BTBD7: variants seen among roughly 807,000 people sequenced by gnomAD.
The protein encoded by BTBD7 is BTB domain containing 7.
BTBD7 carries 38 observed loss-of-function variants against 99.9 expected under a neutral mutation model. The ratio of observed to expected loss-of-function variants is 0.38; its 90% CI spans 0.29 to 0.50. The LOEUF is 0.50. Ranked by LOEUF, BTBD7 falls within the 20% of genes least tolerant of loss-of-function variation. The pLI is 0.93. For missense variants in BTBD7, 1,170 were observed against 1,394.6 expected (o/e 0.84, Z 2.57); for synonymous variants, 520 against 511.4 (o/e 1.02, Z -0.23).
intron 1 of BTBD7, among the ~76,000 whole-genome samples, chr14:93,310,544 A>G (rs2053124759): frequency 6.6e-6 from 1 of 152,164 alleles, no homozygotes; most frequent in Non-Finnish European, 1.5e-5. Flanking sequence ...AAATTGATAG[A>G]GACCAGCGTG....
At chr14:93,295,255 C>T (rs1174366433) in intron 2 of BTBD7, among the ~76,000 whole-genome samples, 1 of 152,062 alleles carries the variant, frequency 6.6e-6, no homozygotes, top group Non-Finnish European at 1.5e-5. Context: ...GGAGTATAGG[C>T]ATGTGCCACC....
chr14:93,251,435 A>T (rs917448186), intron 8 of BTBD7, 28 bp downstream of exon 8: 1 of 1,532,174 alleles, frequency 6.5e-7, no homozygotes, highest in African/African-American at 1.4e-5. Context: ...TATTCATTTA[A>T]ATATAAACAC....
intron 4 of BTBD7, among the ~76,000 whole-genome samples, chr14:93,262,439 C>A (rs976552481): frequency 1.3e-5 from 2 of 152,062 alleles, no homozygotes; most frequent in Admixed American, 1.3e-4. Context: ...TGGGGTCCCA[C>A]CTGTTGCCAA....
chr14:93,295,287 T>C (rs186307571), intron 2 of BTBD7, among the ~76,000 whole-genome samples: 1 of 151,718 alleles, frequency 6.6e-6, no homozygotes, highest in South Asian at 2.1e-4. Flanking sequence ...ATTAAAAAAA[T>C]TTTTTTTTCT....
chr14:93,295,112 T>G (rs1595320457), intron 2 of BTBD7, among the ~76,000 whole-genome samples, 175 bp from the exon 3 acceptor site: 1 of 152,110 alleles, frequency 6.6e-6, no homozygotes, highest in East Asian at 1.9e-4. Context: ...AGTTTTCAAT[T>G]CAATTTAATT....
At chr14:93,277,749 G>A (rs1433505782) in intron 3 of BTBD7, among the ~76,000 whole-genome samples, 1 of 152,184 alleles carries the variant, frequency 6.6e-6, no homozygotes, top group Non-Finnish European at 1.5e-5. Flanking sequence ...GCACTGTACT[G>A]ATGTATTCTA....
rs2053128340 is a variant in BTBD7, at chr14:93,310,790, T to G, written c.-106-14633A>C. ...AAAAACTTTTTTTTTTTTTTTTTTTTGCCAAGACTGCTTCACAGGTGGCAG... is the reference window on the plus strand; with the variant it reads ...AAAAACTTTTTTTTTTTTTTTTTTTGGCCAAGACTGCTTCACAGGTGGCAG... On this transcript the variant is annotated intron_variant, in intron 1 of 10. Transcript: ENST00000334746. 4.0e-5 allele frequency among the ~76,000 whole-genome samples: 6 copies of G among 149,554 alleles called. No individual in the cohort carries two copies. In the South Asian group the frequency reaches 1.3e-3, roughly 32 times the overall value.
At chr14:93,275,983 G>T (rs2052652440) in intron 3 of BTBD7, among the ~76,000 whole-genome samples, 1 of 152,194 alleles carries the variant, frequency 6.6e-6, no homozygotes, top group Admixed American at 6.5e-5. Context: ...GGAGGCTTAG[G>T]TGGGGCAGAT....
intron 3 of BTBD7, among the ~76,000 whole-genome samples, chr14:93,280,696 T>C (rs902352702): frequency 6.6e-6 from 1 of 152,202 alleles, no homozygotes; most frequent in East Asian, 1.9e-4. Context: ...CCAGCCCATG[T>C]TAATTTACAA....
chr14:93,276,740 C>T (rs114752502), intron 3 of BTBD7, among the ~76,000 whole-genome samples: 2,557 of 152,078 alleles, frequency 0.017, 78 homozygotes, highest in African/African-American at 0.059. Flanking sequence ...CAGCTTCTGA[C>T]AAGTTGTGTG....
intron 3 of BTBD7, among the ~76,000 whole-genome samples, chr14:93,267,931 T>C (rs1478444279): frequency 6.6e-6 from 1 of 152,248 alleles, no homozygotes; most frequent in Non-Finnish European, 1.5e-5. Flanking sequence ...AGAATGATCT[T>C]TTAAAATGTA....
Position 93,242,933 on chromosome 14 carries a change from C to A in BTBD7, c.2739G>T (p.Ser913=), listed in dbSNP as rs774862562. The change falls in exon 11 of 11, where the codon TCG becomes TCT. Residue 913 remains serine, a synonymous_variant. Transcript: ENST00000334746. ...EAGPGPPQHL[S]CIPQRHTHTS... ...TGTGTGTATGTCTCTGTGGAATACACGACAGATGCTGGGGAGGCCCTGGTC... is the reference window on the plus strand; with the variant it reads ...TGTGTGTATGTCTCTGTGGAATACAAGACAGATGCTGGGGAGGCCCTGGTC... 3.1e-6 allele frequency: 5 copies of A among 1,614,012 alleles called. No homozygotes were observed. The highest frequency in any genetic ancestry group is 1.1e-5 in the South Asian group (1 of 91,070).
In BTBD7 at chr14:93,246,044, G is replaced by A. The variant is rs1445233537; in HGVS notation, c.2364C>T (p.His788=). Residue 788 remains histidine, a synonymous_variant, in exon 10 of 11, where the codon CAC becomes CAT. Coordinates refer to ENST00000334746, the MANE Select transcript of BTBD7 (RefSeq NM_001002860.4). ...AGWKQRPPSQ[H]PSRSFSYPCN... ...AGGGATAAGAAAATGAACGTGAAGG[G>A]TGCTGACTGGGAGGTCTTTGCTTCC... 3 of 1,610,472 alleles carry A rather than the reference G, an allele frequency of 1.9e-6. No homozygotes were observed. The highest frequency in any genetic ancestry group is 2.2e-5 in the South Asian group (2 of 91,034).
chr14:93,331,612 G>T (rs2053412550), intron 1 of BTBD7, among the ~76,000 whole-genome samples: 1 of 152,238 alleles, frequency 6.6e-6, no homozygotes, highest in Non-Finnish European at 1.5e-5. Context: ...CGGGCGCGGT[G>T]GCTCACGCCT....
intron 1 of BTBD7, among the ~76,000 whole-genome samples, chr14:93,321,456 G>T (rs546766714): frequency 1.3e-5 from 2 of 152,320 alleles, no homozygotes; most frequent in African/African-American, 4.8e-5. Context: ...AGCTGGACGT[G>T]GTGGTGCGTG....
At chr14:93,332,739 C>T in intron 1 of BTBD7, 81 bp downstream of exon 1, 2 of 1,419,530 alleles carry the variant, frequency 1.4e-6, no homozygotes, top group Non-Finnish European at 1.8e-6. Flanking sequence ...CTAAGAACAG[C>T]CCCTTCCTCT....
At chr14:93,286,214 T>C (rs1179757741) in intron 3 of BTBD7, among the ~76,000 whole-genome samples, 1 of 152,234 alleles carries the variant, frequency 6.6e-6, no homozygotes. Flanking sequence ...GAAGAAAGTA[T>C]ATGACCTTTA....
chr14:93,248,760 G>T, intron 8 of BTBD7, 106 bp from the exon 9 acceptor site: 1 of 1,007,166 alleles, frequency 9.9e-7, no homozygotes, highest in Non-Finnish European at 1.4e-6. Flanking sequence ...AATCTTATAA[G>T]TTTTTAAGAT....
At chr14:93,254,916 A>G (rs2052412937) in intron 6 of BTBD7, among the ~76,000 whole-genome samples, 1 of 152,230 alleles carries the variant, frequency 6.6e-6, no homozygotes, top group South Asian at 2.1e-4. Context: ...GTTCTAAAAT[A>G]CTTTTCTAAA....
Sources: allele counts gnomAD v4.1 joint callset (sites outside exome capture counted in the v4.1 genomes callset), GRCh38; gene constraint gnomAD v4.1.1; transcripts MANE v1.5; gene names NCBI Gene and HGNC (gene_info 2026-07-23, HGNC 2026-07-21).